Variants in SAMD12 observed in about 807,000 individuals in gnomAD.
The protein encoded by SAMD12 is sterile alpha motif domain-containing protein 12.
SAMD12 carries 9 observed loss-of-function variants against 15.0 expected under a neutral mutation model. The ratio of observed to expected loss-of-function variants is 0.60; its 90% CI spans 0.36 to 1.05. The LOEUF (loss-of-function observed/expected upper bound fraction) is 1.05, where lower values mean the gene tolerates loss of function less well. Among genes scored for constraint, SAMD12 ranks in the 50% least tolerant of loss-of-function variants. SAMD12 has a pLI of 0.01. For synonymous variants in SAMD12, 86 were observed against 90.1 expected (o/e 0.96, Z 0.25); for missense variants, 230 against 234.2 (o/e 0.98, Z 0.12).
At chr8:118,513,092 T>C (rs1825133776) in intron 2 of SAMD12, among the ~76,000 whole-genome samples, 1 of 152,182 alleles carries the variant, frequency 6.6e-6, no homozygotes, top group African/African-American at 2.4e-5. Context: ...ATCATCTTTA[T>C]TTTTCTCACA....
At chr8:118,327,634 C>G (rs560977109) in intron 4 of SAMD12, among the ~76,000 whole-genome samples, 32 of 152,252 alleles carry the variant, frequency 2.1e-4, no homozygotes, top group African/African-American at 7.7e-4. Flanking sequence ...TAAATGGGTC[C>G]TTTCAAAATC....
At chr8:118,249,395 C>A (rs28370857) in intron 4 of SAMD12, among the ~76,000 whole-genome samples, 1,743 of 152,252 alleles carry the variant, frequency 0.011, 46 homozygotes, top group African/African-American at 0.04. Flanking sequence ...TGATTTCATT[C>A]ATGTGGATTC....
chr8:118,219,853 G>T (rs145849079), intron 4 of SAMD12, among the ~76,000 whole-genome samples: 3 of 152,322 alleles, frequency 2.0e-5, no homozygotes, highest in African/African-American at 4.8e-5. Context: ...AAGCTGGAGA[G>T]TTGCTCAGCT....
chr8:118,181,427 G>A, the SAMD12 span, among the ~76,000 whole-genome samples: 3 of 152,078 alleles, frequency 2.0e-5, no homozygotes, highest in Non-Finnish European at 4.4e-5. Context: ...TCCTTTTGCC[G>A]TCAATCTGGG....
At chr8:118,430,056 G>GT (rs1003714753) in intron 3 of SAMD12, among the ~76,000 whole-genome samples, 1 of 152,106 alleles carries the variant, frequency 6.6e-6, no homozygotes, top group African/African-American at 2.4e-5. Flanking sequence ...TTTCTGGTAA[G>GT]TTTTTTAAAA....
intron 4 of SAMD12, among the ~76,000 whole-genome samples, chr8:118,199,501 A>G (rs1356582070): frequency 1.3e-5 from 2 of 152,206 alleles, no homozygotes; most frequent in Non-Finnish European, 2.9e-5. Flanking sequence ...GACCTTGGAA[A>G]ATAATGAATA....
In SAMD12 at chr8:118,256,693, T is replaced by C. The variant is rs1377935633; in HGVS notation, c.434-58961A>G. Among the ~76,000 whole-genome samples, 4 of 151,886 alleles carry C rather than the reference T, an allele frequency of 2.6e-5. No individual in the cohort carries two copies. The East Asian group carries it at 7.8e-4, about 30-fold the overall frequency. ...AAAAAACTCTCTTAAATCACATATA[T>C]GTAAATGGCCAGCTCCTAGCAGAAC... On this transcript the variant is annotated intron_variant, in intron 4 of 4. Coordinates refer to the SAMD12 transcript ENST00000409003.
At chr8:118,387,484 G>GTAA (rs3050891) in intron 3 of SAMD12, among the ~76,000 whole-genome samples, 135,121 of 151,902 alleles carry the variant, frequency 0.89, 60,391 homozygotes, top group African/African-American at 0.97. Flanking sequence ...CCTCATAATT[G>GTAA]TAATAATATC....
intron 4 of SAMD12, among the ~76,000 whole-genome samples, chr8:118,326,701 ATGTTTTCCTGGTTC>A (rs573475584): frequency 4.6e-4 from 70 of 152,238 alleles, no homozygotes; most frequent in Non-Finnish European, 8.4e-4. Context: ...GGACCCACAT[ATGTTTTCCTGGTTC>A]GTCAGATACT....
At chr8:118,188,067 G>A (rs1280473991), downstream of SAMD12, among the ~76,000 whole-genome samples, 2 of 151,940 alleles carry the variant, frequency 1.3e-5, no homozygotes, top group East Asian at 1.9e-4. Context: ...GAGGAAGAGA[G>A]AGAAAGAGAG....
At chr8:118,161,112 AG>A in the SAMD12 span, among the ~76,000 whole-genome samples, 1 of 152,158 alleles carries the variant, frequency 6.6e-6, no homozygotes, top group African/African-American at 2.4e-5. Context: ...GTCCCTGCAA[AG>A]GACATGAACT....
chr8:118,518,914 G>A (rs553965077), intron 2 of SAMD12, among the ~76,000 whole-genome samples: 1 of 152,270 alleles, frequency 6.6e-6, no homozygotes, highest in African/African-American at 2.4e-5. Context: ...ATAAATACTT[G>A]TGAAAAGAAG....
the SAMD12 span, among the ~76,000 whole-genome samples, chr8:118,135,270 C>A: frequency 1.3e-5 from 2 of 152,106 alleles, no homozygotes; most frequent in Non-Finnish European, 2.9e-5. Context: ...AAACCTCCGC[C>A]TCCCGGTTTC....
At chr8:118,140,963 T>C in the SAMD12 span, among the ~76,000 whole-genome samples, 2 of 152,232 alleles carry the variant, frequency 1.3e-5, no homozygotes. Context: ...TAAAGTTTTG[T>C]TGGGCTGAGT....
At chr8:118,251,388 T>G (rs1351206451) in intron 4 of SAMD12, among the ~76,000 whole-genome samples, 1 of 151,932 alleles carries the variant, frequency 6.6e-6, no homozygotes, top group Non-Finnish European at 1.5e-5. Flanking sequence ...CCCGCCCTGG[T>G]TTTTGGTTAT....
intron 4 of SAMD12, among the ~76,000 whole-genome samples, chr8:118,315,547 A>T (rs888752985): frequency 6.6e-6 from 1 of 152,172 alleles, no homozygotes; most frequent in Non-Finnish European, 1.5e-5. Context: ...AGGCACTGGG[A>T]ATGGGATCAT....
At chr8:118,321,447 C>T (rs1049232878) in intron 4 of SAMD12, among the ~76,000 whole-genome samples, 11 of 151,474 alleles carry the variant, frequency 7.3e-5, no homozygotes, top group Admixed American at 7.2e-4. Flanking sequence ...AACCCCGTCT[C>T]TCCTAAAAAT....
At chr8:118,168,856 T>A in the SAMD12 span, among the ~76,000 whole-genome samples, 12 of 152,138 alleles carry the variant, frequency 7.9e-5, no homozygotes. Flanking sequence ...GGTATGAAGA[T>A]GTATATATCC....
At chr8:118,146,739 A>G in the SAMD12 span, among the ~76,000 whole-genome samples, 3 of 152,166 alleles carry the variant, frequency 2.0e-5, no homozygotes, top group African/African-American at 7.2e-5. Flanking sequence ...ACAGAACAAA[A>G]AACTGACGAG....
Sources: allele counts gnomAD v4.1 joint callset (sites outside exome capture counted in the v4.1 genomes callset), GRCh38; gene constraint gnomAD v4.1.1; transcripts MANE v1.5; gene names NCBI Gene and HGNC (gene_info 2026-07-23, HGNC 2026-07-21).